Variants in PER3 observed in about 807,000 individuals in gnomAD.
PER3 encodes the protein period circadian regulator 3, also known as period circadian protein homolog 3.
A neutral mutation model predicts 127.2 loss-of-function variants in PER3; 107 were observed. The observed-to-expected ratio is 0.84, with a 90% CI of 0.72 to 0.99. PER3 has a LOEUF of 0.99. PER3 is among the 50% of genes least tolerant of loss of function. The pLI is 0.00. For missense variants in PER3, 1,560 were observed against 1,525.8 expected (o/e 1.02, Z -0.37); for synonymous variants, 618 against 585.8 (o/e 1.05, Z -0.79).
At chr1:7,825,387 A>T (rs951857773) in intron 16 of PER3, among the ~76,000 whole-genome samples, 4 of 152,262 alleles carry the variant, frequency 2.6e-5, no homozygotes, top group Non-Finnish European at 5.9e-5. Flanking sequence ...ATCCATCCAC[A>T]GGTGTTCACT....
intron 13 of PER3, among the ~76,000 whole-genome samples, chr1:7,813,795 T>A (rs929123): frequency 0.062 from 9,408 of 152,196 alleles, 695 homozygotes; most frequent in East Asian, 0.27. Context: ...CAAGAAATTA[T>A]GTAGCATATG....
chr1:7,815,476 A>G (rs571153713), intron 13 of PER3, among the ~76,000 whole-genome samples: 2 of 152,346 alleles, frequency 1.3e-5, no homozygotes, highest in African/African-American at 4.8e-5. Flanking sequence ...TTAGAAAGAG[A>G]GACTGTGTAA....
chr1:7,805,989 AATT>A (rs544209169), intron 10 of PER3, among the ~76,000 whole-genome samples: 145 of 152,324 alleles, frequency 9.5e-4, no homozygotes, highest in African/African-American at 3.3e-3. Context: ...ATAAAATATT[AATT>A]ATTCATTATA....
chr1:7,832,341 G>GT (rs1456150114), intron 19 of PER3, among the ~76,000 whole-genome samples: 4 of 132,626 alleles, frequency 3.0e-5, no homozygotes, highest in Admixed American at 7.3e-5. Flanking sequence ...TTGTTTTTTG[G>GT]TTTTTTATTT....
chr1:7,827,846 G>A (rs2097310260), intron 18 of PER3, 31 bp downstream of exon 18: 1 of 1,512,942 alleles, frequency 6.6e-7, no homozygotes, highest in Non-Finnish European at 9.1e-7. Context: ...ACACTCAAGT[G>A]AGAAAGTGAA....
chr1:7,798,052 A>G (rs1333191667), intron 6 of PER3, among the ~76,000 whole-genome samples: 1 of 152,156 alleles, frequency 6.6e-6, no homozygotes, highest in Non-Finnish European at 1.5e-5. Context: ...GACCTCATGC[A>G]AGGGCCCTCA....
rs755046411 is a variant in PER3 at position 7,820,481 on chromosome 1, C to T, written c.1798C>T (p.Pro600Ser). The part of the protein sequence containing the change: ...VQALQAGLQI[P>S]AIPKSEMPTN... ...TACACCACCAGCTGGTTTGCAAATC[C>T]CAGCCATACCTAAATCAGAAATGCC... is the stretch of plus-strand genomic sequence containing the variant. The change falls in exon 16 of 22, where the codon CCA becomes TCA. Residue 600 changes from proline to serine, a missense_variant. Pro to Ser is a moderately conservative substitution (Grantham distance 74). Coordinates refer to ENST00000377532, the MANE Select transcript of PER3 (RefSeq NM_001377275.1). 4 of 1,610,168 alleles carry T rather than the reference C, an allele frequency of 2.5e-6. No individual in the cohort carries two copies. The highest frequency in any genetic ancestry group is 2.2e-5 in the East Asian group (1 of 44,844).
At chr1:7,806,795 T>TAAA (rs71567316) in intron 10 of PER3, among the ~76,000 whole-genome samples, 18 of 91,904 alleles carry the variant, frequency 2.0e-4, no homozygotes, top group African/African-American at 7.6e-4. Context: ...CCCTGTCTCT[T>TAAA]AAAAAAAAAA....
At chr1:7,836,941 G>T in intron 20 of PER3, 58 bp from the exon 21 acceptor site, 1 of 1,407,228 alleles carries the variant, frequency 7.1e-7, no homozygotes, top group South Asian at 1.3e-5. Flanking sequence ...CCTAGATGAC[G>T]GGAAAAGAAC....
Position 7,809,902 on chromosome 1 carries a change from G to T in PER3, c.1252G>T (p.Val418Leu). ...CTCTTTGTCCTTCCAGCCAGTTCAC[G>T]TGAGCGTGTCCAGCGGCTACGGGAG... is the stretch of plus-strand genomic sequence containing the variant. The part of the protein sequence containing the change: ...IYKLLLQPVH[V>L]SVSSGYGSLG... Residue 418 changes from valine to leucine, a missense_variant, in exon 12 of 22, where the codon GTG becomes TTG. Physicochemically the swap from Val to Leu is conservative, Grantham distance 32 (BLOSUM62 1). Transcript: ENST00000377532. 6.2e-7 allele frequency: 1 copy of T among 1,614,056 alleles called. No homozygotes were observed. Among genetic ancestry groups the T allele is most frequent in the Non-Finnish European group, 8.5e-7 (1 of 1,179,986 alleles).
chr1:7,793,296 A>G (rs2097130246), intron 5 of PER3, among the ~76,000 whole-genome samples: 2 of 152,228 alleles, frequency 1.3e-5, no homozygotes, highest in African/African-American at 4.8e-5. Context: ...GCAAATTTAG[A>G]CATTTCTGAA....
intron 13 of PER3, among the ~76,000 whole-genome samples, chr1:7,815,855 T>C (rs1217857567): frequency 1.3e-5 from 2 of 149,338 alleles, no homozygotes; most frequent in Non-Finnish European, 3.0e-5. Context: ...TAGCCAGGCA[T>C]AGTGGCACAC....
rs374459315 is a variant in PER3 at position 7,819,406 on chromosome 1, C to A, written c.1644C>A (p.Ile548=). ...HSPSYQQINC[I]DSVIRYLKSY... Reference sequence around the variant, plus strand: ...CATCCTATCAACAGATCAACTGTATCGACAGTGTCATCAGGTATGAGACCG... The same window carrying A: ...CATCCTATCAACAGATCAACTGTATAGACAGTGTCATCAGGTATGAGACCG... Residue 548 remains isoleucine, a synonymous_variant, in exon 14 of 22, where the codon ATC becomes ATA. Transcript: ENST00000377532. The A allele has an allele frequency of 4.7e-5, 76 of 1,613,838 alleles. No homozygotes were observed. Among genetic ancestry groups the A allele is most frequent in the Non-Finnish European group, 6.4e-5 (76 of 1,179,868 alleles).
intron 7 of PER3, among the ~76,000 whole-genome samples, chr1:7,799,227 A>G (rs900231337): frequency 6.6e-6 from 1 of 152,220 alleles, no homozygotes; most frequent in African/African-American, 2.4e-5. Flanking sequence ...AATAAAAACC[A>G]CAGGGCTTAT....
intron 18 of PER3, 47 bp downstream of exon 18, chr1:7,827,862 T>C: frequency 6.9e-7 from 1 of 1,459,822 alleles, no homozygotes; most frequent in Non-Finnish European, 9.4e-7. Context: ...GTGAATATCT[T>C]ACTAAAGTTA....
intron 13 of PER3, among the ~76,000 whole-genome samples, chr1:7,816,035 A>C (rs997643644): frequency 2.6e-5 from 4 of 151,028 alleles, no homozygotes; most frequent in African/African-American, 9.7e-5. Context: ...GAACAAAATG[A>C]AAAGAGAACA....
chr1:7,834,757 C>A (rs1239713588), intron 19 of PER3, among the ~76,000 whole-genome samples: 1 of 152,156 alleles, frequency 6.6e-6, no homozygotes, highest in African/African-American at 2.4e-5. Context: ...CACGCCCAAC[C>A]TAAAGATATT....
intron 3 of PER3, among the ~76,000 whole-genome samples, chr1:7,786,126 G>C (rs1398677698): frequency 6.6e-6 from 1 of 152,150 alleles, no homozygotes; most frequent in Non-Finnish European, 1.5e-5. Flanking sequence ...TGTGGTGGCG[G>C]GCGCCTGTAG....
intron 2 of PER3, 31 bp downstream of exon 2, chr1:7,785,036 A>G (rs535852332): frequency 2.6e-6 from 4 of 1,561,458 alleles, no homozygotes; most frequent in South Asian, 1.2e-5. Flanking sequence ...CGAGGGCCCC[A>G]TGCGTTCGTT....
Sources: gnomAD v4.1 joint callset for allele counts (sites outside exome capture counted in the v4.1 genomes callset) on GRCh38, gnomAD v4.1.1 for gene constraint, MANE v1.5 for transcripts, NCBI Gene and HGNC (gene_info 2026-07-23, HGNC 2026-07-21) for gene names.